Variants in TOGARAM2 observed in about 807,000 individuals in gnomAD.
The protein encoded by TOGARAM2 is TOG array regulator of axonemal microtubules protein 2.
TOGARAM2 carries 85 observed loss-of-function variants against 93.3 expected under a neutral mutation model. The ratio of observed to expected loss-of-function variants is 0.91; its 90% confidence interval spans 0.76 to 1.09. The LOEUF (loss-of-function observed/expected upper bound fraction) is 1.09, where lower values mean the gene tolerates loss of function less well. Ranked by LOEUF, TOGARAM2 falls within the 50% of genes least tolerant of loss-of-function variation. The pLI is 0.00. For missense variants in TOGARAM2, 1,277 were observed against 1,334.5 expected (o/e 0.96, Z 0.67); for synonymous variants, 593 against 552.8 (o/e 1.07, Z -1.02).
At chr2:29,006,711 C>T (rs12477462) in intron 6 of TOGARAM2, among the ~76,000 whole-genome samples, 100,586 of 151,902 alleles carry the variant, frequency 0.66, 35,239 homozygotes, top group Middle Eastern at 0.79. Flanking sequence ...TTATAGAGAC[C>T]CGTCCATGTA....
At chr2:29,017,371 T>C in intron 9 of TOGARAM2, 67 bp downstream of exon 9, 1 of 1,383,948 alleles carries the variant, frequency 7.2e-7, no homozygotes, top group Non-Finnish European at 9.5e-7. Flanking sequence ...CATAGCCTGC[T>C]GATGGGCCCA....
chr2:29,003,770 A>C (rs1572673681), intron 6 of TOGARAM2, 88 bp downstream of exon 6: 1 of 1,220,394 alleles, frequency 8.2e-7, no homozygotes, highest in Non-Finnish European at 1.1e-6. Context: ...CTGACCCTCC[A>C]TGCTGTGGCA....
chr2:28,964,545 C>T (rs1378072158), intron 1 of TOGARAM2, among the ~76,000 whole-genome samples: 3 of 150,926 alleles, frequency 2.0e-5, no homozygotes, highest in Non-Finnish European at 4.4e-5. Flanking sequence ...CATAGGTAAA[C>T]GTGTGCCACG....
At position 29,033,065 on chromosome 2, in the gene TOGARAM2, C is replaced by T. The variant is rs766237457; in HGVS notation, c.2130+14C>T. ...ATTAAACAGCAGGTGAGCTGTGGGG[C>T]ATAAGTGGGTCATGGCCTTTTGGGG... On this transcript the variant is annotated intron_variant, in intron 15 of 19. Coordinates refer to ENST00000379558, the MANE Select transcript of TOGARAM2 (RefSeq NM_199280.4). 1 of 1,605,874 alleles carries T rather than the reference C, an allele frequency of 6.2e-7. No individual in the cohort carries two copies. The highest frequency in any genetic ancestry group is 1.7e-5 in the Admixed American group (1 of 59,450).
Position 29,026,968 on chromosome 2 carries a change from C to T in TOGARAM2, c.1969C>T (p.His657Tyr). Residue 657 changes from histidine to tyrosine, a missense_variant, in exon 14 of 20, where the codon CAC (histidine) becomes TAC (tyrosine). Coordinates refer to ENST00000379558, the MANE Select transcript of TOGARAM2 (RefSeq NM_199280.4). ...CAGAGACAGCACAGACATGTTGGTG[C>T]ACAACCTGGTGAGGCTGGCACAGGA... The part of the protein sequence containing the change: ...GTRDSTDMLV[H>Y]NLVRLAQDSN... The T allele has an allele frequency of 1.3e-6, 2 of 1,567,866 alleles. No individual in the cohort carries two copies. Among genetic ancestry groups the T allele is most frequent in the East Asian group, 2.4e-5 (1 of 42,214 alleles).
chr2:29,011,531 G>A, intron 7 of TOGARAM2, 30 bp downstream of exon 7: 5 of 1,585,222 alleles, frequency 3.2e-6, no homozygotes, highest in Non-Finnish European at 3.4e-6. Context: ...ACCTCCCTTT[G>A]TTATTTGACT....
chr2:29,003,586 C>T lies in TOGARAM2; in HGVS notation c.734C>T (p.Thr245Met), dbSNP rs766401480. The change falls in exon 6 of 20, where the codon ACG (threonine) becomes ATG (methionine). Residue 245 changes from threonine to methionine, a missense_variant. Physicochemically the swap from Thr to Met is moderately conservative, Grantham distance 81 (BLOSUM62 -1). Coordinates refer to ENST00000379558, the MANE Select transcript of TOGARAM2 (RefSeq NM_199280.4). Reference protein sequence around the residue: ...IVIPPIPKARTVAATPSRVPG... With the variant: ...IVIPPIPKARMVAATPSRVPG... The stretch of plus-strand genomic sequence containing the variant: ...ATCCCACCCATCCCAAAGGCCAGGA[C>T]GGTTGCAGCGACCCCCTCCCGTGTG... The T allele has an allele frequency of 3.8e-5, 60 of 1,595,436 alleles. 2 individuals are homozygous for T. Among genetic ancestry groups the T allele is most frequent in the Middle Eastern group, 3.3e-4 (2 of 6,038 alleles).
At chr2:29,048,329 A>G (rs1666867452) in intron 19 of TOGARAM2, 1 of 152,148 alleles carries the variant, frequency 6.6e-6, no homozygotes, top group South Asian at 2.1e-4. Context: ...CAGCCAAACT[A>G]TATCACCCCC....
chr2:29,035,507 C>T lies in TOGARAM2; in HGVS notation c.2269C>T (p.Leu757=), dbSNP rs368548192. ...GPRLVGLRST[L]QGRGEMVEQL... ...AAGGCTGGTGGGGCTGCGCTCCACA[C>T]TGCAGGGCCGCGGGGAGATGGTGGA... Residue 757 remains leucine, a synonymous_variant, in exon 17 of 20, where the codon CTG becomes TTG. Coordinates refer to ENST00000379558, the MANE Select transcript of TOGARAM2 (RefSeq NM_199280.4). 1.0e-4 allele frequency: 157 copies of T among 1,539,144 alleles called. No homozygotes were observed. Among genetic ancestry groups the T allele is most frequent in the Non-Finnish European group, 1.2e-4 (136 of 1,142,180 alleles).
At chr2:28,957,844 T>G (rs1671748952) in intron 1 of TOGARAM2, among the ~76,000 whole-genome samples, 1 of 152,156 alleles carries the variant, frequency 6.6e-6, no homozygotes, top group Admixed American at 6.6e-5. Context: ...TTTGTTTTTT[T>G]GCCACTCTCT....
chr2:29,048,253 G>A lies in TOGARAM2; in HGVS notation c.2722+2843G>A, dbSNP rs534777345. The A allele has an allele frequency of 7.2e-5, 11 of 151,966 alleles. No homozygotes were observed. In the East Asian group the frequency reaches 2.1e-3, roughly 29 times the overall value. 9.4% of individuals were successfully genotyped at this position (151,966 alleles called of 1,614,324 possible). ...CCCCATGATTCAATTACTTCCTACC[G>A]GCTCCCTCCCATGACACGTAGGAAT... On this transcript the variant is annotated intron_variant, in intron 19 of 19. Transcript: ENST00000379558.
Position 29,023,095 on chromosome 2 carries a change from G to A in TOGARAM2, c.1521G>A (p.Lys507=). The change falls in exon 12 of 20, where the codon AAG becomes AAA. Residue 507 remains lysine, a synonymous_variant. Transcript: ENST00000379558. ...TGGCCTTGCTTCTCAGGCAGATGAA[G>A]GAGAAGGGTCTGGTGAGCATCCAGC... is the stretch of plus-strand genomic sequence containing the variant. ...QCLNSSDWQM[K]EKGLVSIQRL... 2 of 1,594,016 alleles carry A rather than the reference G, an allele frequency of 1.3e-6. No homozygotes were observed. The highest frequency in any genetic ancestry group is 2.3e-5 in the East Asian group (1 of 44,156).
At chr2:29,009,566 C>T (rs894208335) in intron 6 of TOGARAM2, among the ~76,000 whole-genome samples, 46 of 151,744 alleles carry the variant, frequency 3.0e-4, no homozygotes, top group African/African-American at 1.0e-3. Flanking sequence ...GGCTAAGCCA[C>T]GGGGTAGATG....
At chr2:29,006,061 ATGTG>A (rs376676218) in intron 6 of TOGARAM2, among the ~76,000 whole-genome samples, 2 of 135,050 alleles carry the variant, frequency 1.5e-5, no homozygotes, top group African/African-American at 6.1e-5. Context: ...GTGTGTGTGT[ATGTG>A]TATGTGTGAG....
At chr2:28,980,369 G>T (rs1672131184), upstream of TOGARAM2, among the ~76,000 whole-genome samples, 1 of 152,214 alleles carries the variant, frequency 6.6e-6, no homozygotes, top group Admixed American at 6.5e-5. Flanking sequence ...GGCCTCGTGG[G>T]GTGTAGTTGG....
In TOGARAM2 at chr2:29,052,124, A is replaced by G; in HGVS notation, c.*31A>G. 6.7e-7 allele frequency: 1 copy of G among 1,489,908 alleles called. No individual in the cohort carries two copies. Among genetic ancestry groups the G allele is most frequent in the Non-Finnish European group, 9.0e-7 (1 of 1,117,198 alleles). 92.3% of individuals were successfully genotyped at this position (1,489,908 alleles called of 1,614,324 possible). A position where few individuals can be genotyped will look rare whatever the true frequency, so the allele number is the denominator to read the frequency against. On this transcript the variant is annotated 3_prime_UTR_variant, in exon 20 of 20. Transcript: ENST00000379558. The stretch of plus-strand genomic sequence containing the variant: ...GATCTGAAATGGGCAATTATTATTT[A>G]TCTTATTTTTTTGATGGACTATTCT...
chr2:28,999,640 G>T (rs1248994278), intron 4 of TOGARAM2, among the ~76,000 whole-genome samples, 172 bp downstream of exon 4: 2 of 152,190 alleles, frequency 1.3e-5, no homozygotes, highest in Non-Finnish European at 2.9e-5. Context: ...CCTCCTTGGA[G>T]CTGAGCCTCC....
At chr2:29,042,291 G>T (rs970671095) in intron 18 of TOGARAM2, among the ~76,000 whole-genome samples, 2 of 152,262 alleles carry the variant, frequency 1.3e-5, no homozygotes, top group African/African-American at 4.8e-5. Context: ...TTGCCCTGCA[G>T]CTACAAGCAT....
At chr2:28,978,051 C>A (rs904917904), upstream of TOGARAM2, among the ~76,000 whole-genome samples, 1 of 152,156 alleles carries the variant, frequency 6.6e-6, no homozygotes, top group Non-Finnish European at 1.5e-5. Flanking sequence ...AGATTACAGG[C>A]ATGCGCCACC....
Sources: gnomAD v4.1 joint callset for allele counts (sites outside exome capture counted in the v4.1 genomes callset) on GRCh38, gnomAD v4.1.1 for gene constraint, MANE v1.5 for transcripts, NCBI Gene and HGNC (gene_info 2026-07-23, HGNC 2026-07-21) for gene names.